PCDHA9: variants seen among roughly 807,000 people sequenced by gnomAD.
PCDHA9 encodes the protein protocadherin alpha 9, also known as protocadherin alpha-9.
In PCDHA9, 62 loss-of-function variants were observed where a neutral mutation model predicts 62.0. The ratio of observed to expected loss-of-function variants is 1.00; its 90% CI spans 0.81 to 1.23. PCDHA9 has a LOEUF of 1.23. PCDHA9 is among the 50% of genes most tolerant of loss of function. The pLI is 0.00. For synonymous variants in PCDHA9, 557 were observed against 567.6 expected (o/e 0.98, Z 0.27); for missense variants, 1,205 against 1,249.8 (o/e 0.96, Z 0.54).
At chr5:140,863,049 G>A (rs781969311) in intron 1 of PCDHA9, 1 of 561,608 alleles carries the variant, frequency 1.8e-6, no homozygotes, top group Non-Finnish European at 3.5e-6. Flanking sequence ...TCAGCTGGCA[G>A]CACCCGTTCC....
At chr5:140,955,847 T>C (rs2095231839) in intron 1 of PCDHA9, among the ~76,000 whole-genome samples, 2 of 152,216 alleles carry the variant, frequency 1.3e-5, no homozygotes, top group Non-Finnish European at 2.9e-5. Context: ...TCATTCTCCT[T>C]GAAGAGGTCC....
At chr5:140,870,944 C>G in intron 1 of PCDHA9, 1 of 1,613,658 alleles carries the variant, frequency 6.2e-7, no homozygotes, top group Middle Eastern at 1.7e-4. Context: ...CAGCCGGCGG[C>G]GGGCGGCTCG....
intron 1 of PCDHA9, among the ~76,000 whole-genome samples, chr5:140,924,166 T>C (rs1409712075): frequency 6.6e-6 from 1 of 152,232 alleles, no homozygotes; most frequent in African/African-American, 2.4e-5. Flanking sequence ...TCCTAATCTC[T>C]GGCACTGAAG....
chr5:140,869,392 G>T, intron 1 of PCDHA9: 1 of 1,614,164 alleles, frequency 6.2e-7, no homozygotes, highest in Non-Finnish European at 8.5e-7. Flanking sequence ...GGAGCTGTGC[G>T]GGCAGAGCGC....
intron 3 of PCDHA9, among the ~76,000 whole-genome samples, chr5:141,008,739 C>A (rs1554261919): frequency 1.3e-5 from 2 of 152,166 alleles, no homozygotes; most frequent in Non-Finnish European, 2.9e-5. Context: ...AGACTGTGAG[C>A]ACACTGAGGG....
intron 1 of PCDHA9, among the ~76,000 whole-genome samples, chr5:140,918,416 C>A (rs2078685021): frequency 6.6e-6 from 1 of 152,110 alleles, no homozygotes; most frequent in Non-Finnish European, 1.5e-5. Flanking sequence ...GCCAGGACTT[C>A]CAGTAGGATG....
chr5:140,857,626 G>A (rs536509917), intron 1 of PCDHA9: 1 of 1,596,672 alleles, frequency 6.3e-7, no homozygotes, highest in South Asian at 1.1e-5. Context: ...ACCACGAGGA[G>A]CTGGAGCTGC....
At chr5:140,851,813 A>T (rs2042166057) in intron 1 of PCDHA9, 1 of 954,990 alleles carries the variant, frequency 1.0e-6, no homozygotes, top group Non-Finnish European at 1.3e-6. Context: ...AATCCATAAG[A>T]CAGAAATCTG....
intron 1 of PCDHA9, chr5:140,863,555 T>A (rs2153224638): frequency 2.6e-6 from 1 of 378,382 alleles, no homozygotes; most frequent in East Asian, 6.5e-5. Flanking sequence ...CAATAGGAAA[T>A]TTTTGAGAAT....
At chr5:141,007,379 C>T (rs1178671835) in intron 3 of PCDHA9, among the ~76,000 whole-genome samples, 1 of 139,926 alleles carries the variant, frequency 7.1e-6, no homozygotes, top group Non-Finnish European at 1.5e-5. Context: ...GATGGAACAC[C>T]ATCTCTACTA....
chr5:140,868,490 A>C (rs1383994336), intron 1 of PCDHA9: 1 of 152,330 alleles, frequency 6.6e-6, no homozygotes, highest in African/African-American at 2.4e-5. Flanking sequence ...TTTTTCTTTG[A>C]GTTCCCTAGC....
chr5:140,919,648 G>A (rs1482168238), intron 1 of PCDHA9, among the ~76,000 whole-genome samples: 7 of 151,936 alleles, frequency 4.6e-5, no homozygotes, highest in Non-Finnish European at 7.4e-5. Flanking sequence ...TTTCTCTAGA[G>A]TTTACCATAT....
chr5:140,964,099 C>T (rs2095809950), intron 1 of PCDHA9, among the ~76,000 whole-genome samples: 1 of 152,142 alleles, frequency 6.6e-6, no homozygotes, highest in South Asian at 2.1e-4. Flanking sequence ...TAATTAACAA[C>T]AGTCTGAGCA....
At position 141,011,472 on chromosome 5, in the gene PCDHA9, C is replaced by T. The variant is rs1347341869; in HGVS notation, c.*1535C>T. 40 of 153,652 alleles carry T rather than the reference C, an allele frequency of 2.6e-4. No individual in the cohort carries two copies. The highest frequency in any genetic ancestry group is 9.4e-4 in the African/African-American group (39 of 41,410). 9.5% of individuals were successfully genotyped at this position (153,652 alleles called of 1,614,324 possible). On this transcript the variant is annotated 3_prime_UTR_variant, in exon 4 of 4. Transcript: ENST00000532602. Reference sequence around the variant, plus strand: ...TAAGCTTTATTGTTGAATGTAATTCCATTATATTTCCTTTTGTACACCTGT... The same window carrying T: ...TAAGCTTTATTGTTGAATGTAATTCTATTATATTTCCTTTTGTACACCTGT...
chr5:140,882,420 A>C, intron 1 of PCDHA9: 1 of 1,614,046 alleles, frequency 6.2e-7, no homozygotes, highest in East Asian at 2.2e-5. Context: ...ATCGCTCAGG[A>C]CCTGGGGCTG....
chr5:140,850,957 C>T (rs2150503952), intron 1 of PCDHA9, 68 bp downstream of exon 1: 2 of 1,481,512 alleles, frequency 1.3e-6, no homozygotes, highest in Non-Finnish European at 9.0e-7. Context: ...CGATTACTCC[C>T]AGGGGCCGTT....
chr5:140,946,377 T>C (rs1554217528), intron 1 of PCDHA9, among the ~76,000 whole-genome samples: 1 of 151,764 alleles, frequency 6.6e-6, no homozygotes, highest in African/African-American at 2.4e-5. Flanking sequence ...TTGCACACGG[T>C]TGGTAGGAAT....
intron 1 of PCDHA9, chr5:140,853,127 C>T (rs1172864205): frequency 3.4e-6 from 2 of 580,724 alleles, no homozygotes; most frequent in Non-Finnish European, 4.4e-6. Flanking sequence ...GATCCTCCCG[C>T]CTCAGCCTCC....
chr5:140,976,556 T>G (rs2096722872), intron 1 of PCDHA9, among the ~76,000 whole-genome samples: 1 of 151,920 alleles, frequency 6.6e-6, no homozygotes, highest in African/African-American at 2.4e-5. Flanking sequence ...ATCTCATAAA[T>G]AAATAAATAA....
Sources: gnomAD v4.1 joint callset for allele counts (sites outside exome capture counted in the v4.1 genomes callset) on GRCh38, gnomAD v4.1.1 for gene constraint, MANE v1.5 for transcripts, NCBI Gene and HGNC (gene_info 2026-07-23, HGNC 2026-07-21) for gene names.